PCLO: variants seen among roughly 807,000 people sequenced by gnomAD.
PCLO encodes the protein protein piccolo.
PCLO carries 82 observed loss-of-function variants against 427.5 expected under a neutral mutation model. That is an observed-to-expected ratio of 0.19 (90% confidence interval 0.16 to 0.23). The LOEUF is 0.23. PCLO is among the 10% of genes least tolerant of loss of function. The pLI is 1.00. For synonymous variants in PCLO, 2,357 were observed against 2,155.4 expected, an observed-to-expected ratio of 1.09 and a Z score of -2.59; for missense variants, 6,239 against 6,115.9, an observed-to-expected ratio of 1.02 and a Z score of -0.67.
At chr7:82,840,456 A>G (rs917858174) in intron 14 of PCLO, among the ~76,000 whole-genome samples, 1 of 152,054 alleles carries the variant, frequency 6.6e-6, no homozygotes, top group Non-Finnish European at 1.5e-5. Context: ...CATTCTTTTC[A>G]AATAGTCTCT....
intron 9 of PCLO, among the ~76,000 whole-genome samples, chr7:82,884,717 A>G (rs1342846245): frequency 6.6e-6 from 1 of 152,168 alleles, no homozygotes; most frequent in Non-Finnish European, 1.5e-5. Context: ...ACAAAATTGG[A>G]AAATAGGGTC....
chr7:82,916,064 T>C lies in PCLO; in HGVS notation c.11922A>G (p.Ile3974Met). Residue 3974 changes from isoleucine (I) to methionine (M), a missense_variant, in exon 7 of 25, where the codon ATA becomes ATG. Ile to Met is a conservative substitution (Grantham distance 10). Around this residue, in one of 5 missense-constraint regions of PCLO, gnomAD observed 680 missense variants for 677.3 expected, o/e 1.00. Transcript: ENST00000333891. ...RQTTLYLEPK[I>M]TSNYEVIRNQ... is the part of the protein sequence containing the mutation. The stretch of plus-strand genomic sequence containing the variant: ...TGCGAATCACTTCATAGTTTGAGGT[T>C]ATCTTGGGCTCCAAATATAATGTAG... 6.2e-7 allele frequency: 1 copy of C among 1,613,414 alleles called. No individual in the cohort carries two copies. Among genetic ancestry groups the C allele is most frequent in the Non-Finnish European group, 8.5e-7 (1 of 1,179,766 alleles).
chr7:82,911,056 T>C (rs1312862261), intron 7 of PCLO, among the ~76,000 whole-genome samples: 1 of 152,138 alleles, frequency 6.6e-6, no homozygotes, highest in Non-Finnish European at 1.5e-5. Flanking sequence ...GCATTTTAAA[T>C]ATAATTCTTT....
intron 3 of PCLO, among the ~76,000 whole-genome samples, chr7:83,024,273 T>C (rs1052444618): frequency 6.6e-4 from 101 of 152,108 alleles, no homozygotes; most frequent in Non-Finnish European, 1.0e-3. Context: ...CGAAGCAGGG[T>C]GAGGCATTGC....
rs749566727 is a variant in PCLO at position 83,156,361 on chromosome 7, T to C, written c.280A>G (p.Lys94Glu). The change falls in exon 2 of 25, where the codon AAG (lysine) becomes GAG (glutamate). Residue 94 changes from lysine (K) to glutamate (E), a missense_variant. This residue lies in a region of PCLO where 4,677 missense variants were observed against 4,468.4 expected (regional missense o/e 1.05). Transcript: ENST00000333891. ...KQELDSSHPP[K>E]QSGRPPDPGR... ...GGGTCCGGGGGTCTTCCTGATTGCT[T>C]TGGAGGATGACTACTATCCAACTCT... The C allele has an allele frequency of 6.2e-7, 1 of 1,610,584 alleles. No individual in the cohort carries two copies. Among genetic ancestry groups the C allele is most frequent in the Non-Finnish European group, 8.5e-7 (1 of 1,177,878 alleles).
intron 3 of PCLO, among the ~76,000 whole-genome samples, chr7:83,091,168 A>G (rs1790368634): frequency 6.6e-6 from 1 of 152,142 alleles, no homozygotes; most frequent in Non-Finnish European, 1.5e-5. Flanking sequence ...TGTAGTCCTT[A>G]CCATTAAGTA....
rs1030446197 is a variant in PCLO, at chr7:83,162,685, C to T, written c.-93G>A. The stretch of plus-strand genomic sequence containing the variant: ...CAGGGGAGCAGTCAGAGCCGGGGTC[C>T]GCCTCGGGGCGTGCAGGCAGCCGAG... On this transcript the variant is annotated 5_prime_UTR_variant, in exon 1 of 25. Coordinates refer to ENST00000333891, the MANE Select transcript of PCLO (RefSeq NM_033026.6). 4.2e-6 allele frequency: 6 copies of T among 1,421,540 alleles called. No individual in the cohort carries two copies. In the African/African-American group the frequency reaches 8.7e-5, roughly 21 times the overall value. The allele number at this position is 1,421,540 out of a possible 1,614,324, so 88.1% of individuals were successfully genotyped here.
At chr7:83,086,394 C>A (rs1790233165) in intron 3 of PCLO, among the ~76,000 whole-genome samples, 1 of 152,074 alleles carries the variant, frequency 6.6e-6, no homozygotes, top group Non-Finnish European at 1.5e-5. Context: ...CAGGCGTGAG[C>A]CACTGCACCT....
chr7:82,979,876 A>G (rs1294137060), intron 3 of PCLO, among the ~76,000 whole-genome samples: 1 of 152,212 alleles, frequency 6.6e-6, no homozygotes, highest in African/African-American at 2.4e-5. Flanking sequence ...AGTATAGTTT[A>G]ATGGACACAT....
chr7:82,797,482 T>G (rs902312753), intron 22 of PCLO, among the ~76,000 whole-genome samples: 3 of 152,142 alleles, frequency 2.0e-5, no homozygotes, highest in African/African-American at 7.2e-5. Flanking sequence ...ATTGGTTTGA[T>G]TTAAATGTTA....
chr7:82,955,806 C>A lies in PCLO; in HGVS notation c.5147G>T (p.Gly1716Val), dbSNP rs773335012. 1 of 1,613,910 alleles carries A rather than the reference C, an allele frequency of 6.2e-7. No homozygotes were observed. Among genetic ancestry groups the A allele is most frequent in the Non-Finnish European group, 8.5e-7 (1 of 1,179,858 alleles). ...DSPEDRSRGE[G>V]SSSLHASSFT... ...GCTGGAAGCATGCAGACTCGAAGAT[C>A]CCTCTCCCCTTGACCTATCTTCAGG... The change falls in exon 5 of 25, where the codon GGA becomes GTA. Residue 1716 changes from glycine (G) to valine (V), a missense_variant. By Grantham distance (109) the Gly-to-Val change is moderately radical (BLOSUM62 -3). This residue lies in a region of PCLO where 4,677 missense variants were observed against 4,468.4 expected (regional missense o/e 1.05). Coordinates refer to ENST00000333891, the MANE Select transcript of PCLO (RefSeq NM_033026.6).
At chr7:82,959,384 G>T (rs1350569010) in intron 4 of PCLO, among the ~76,000 whole-genome samples, 1 of 152,026 alleles carries the variant, frequency 6.6e-6, no homozygotes, top group African/African-American at 2.4e-5. Flanking sequence ...TTTATTTTGT[G>T]TCTACATATA....
chr7:82,954,350 A>T lies in PCLO; in HGVS notation c.6603T>A (p.Thr2201=). 1 of 1,613,900 alleles carries T rather than the reference A, an allele frequency of 6.2e-7. No homozygotes were observed. The highest frequency in any genetic ancestry group is 8.5e-7 in the Non-Finnish European group (1 of 1,179,808). ...AAACTGTGGTTATGCTATCCAGGGTAGTAATGGGTGAAGAGCTATCTGTGG... is the reference window on the plus strand; with the variant it reads ...AAACTGTGGTTATGCTATCCAGGGTTGTAATGGGTGAAGAGCTATCTGTGG... ...VCTTDSSSPI[T]TLDSITTVYT... The change falls in exon 5 of 25, where the codon ACT becomes ACA. Residue 2201 remains threonine, a synonymous_variant. Transcript: ENST00000333891.
At chr7:83,027,914 T>C (rs1467461281) in intron 3 of PCLO, among the ~76,000 whole-genome samples, 11 of 133,398 alleles carry the variant, frequency 8.2e-5, no homozygotes, top group African/African-American at 2.8e-4. Flanking sequence ...CAACCCTTCA[T>C]GCTAAAAACT....
intron 19 of PCLO, 66 bp downstream of exon 19, chr7:82,824,170 C>A: frequency 1.9e-6 from 2 of 1,061,838 alleles, no homozygotes; most frequent in Non-Finnish European, 2.7e-6. Context: ...CAAACATTCA[C>A]ACTAAGAAGA....
chr7:82,952,654 G>C lies in PCLO; in HGVS notation c.8299C>G (p.Gln2767Glu). Residue 2767 changes from glutamine to glutamate, a missense_variant, in exon 5 of 25, where the codon CAA becomes GAA. Around this residue, in one of 5 missense-constraint regions of PCLO, gnomAD observed 4,677 missense variants for 4,468.4 expected, o/e 1.05. Transcript: ENST00000333891. ...ATAGAGGGTTGGACAGCACTAATTT[G>C]TTTCCCATAAACTTCATTTGCTGTG... ...QITANEVYGK[Q>E]ISAVQPSIIN... 1 of 1,613,894 alleles carries C rather than the reference G, an allele frequency of 6.2e-7. No homozygotes were observed. Among genetic ancestry groups the C allele is most frequent in the Non-Finnish European group, 8.5e-7 (1 of 1,179,820 alleles).
intron 22 of PCLO, among the ~76,000 whole-genome samples, chr7:82,799,398 T>C (rs911392662): frequency 1.3e-5 from 2 of 152,166 alleles, no homozygotes; most frequent in Non-Finnish European, 2.9e-5. Context: ...ATAGGTAATT[T>C]AAATCAAAGA....
Position 83,155,795 on chromosome 7 carries a change from C to G in PCLO, c.846G>C (p.Gln282His). 1 of 1,613,882 alleles carries G rather than the reference C, an allele frequency of 6.2e-7. No individual in the cohort carries two copies. Among genetic ancestry groups the G allele is most frequent in the Non-Finnish European group, 8.5e-7 (1 of 1,179,842 alleles). Residue 282 changes from glutamine (Q) to histidine (H), a missense_variant, in exon 2 of 25, where the codon CAG becomes CAC. Gln to His is a conservative substitution (Grantham distance 24). Coordinates refer to ENST00000333891, the MANE Select transcript of PCLO (RefSeq NM_033026.6). The stretch of plus-strand genomic sequence containing the variant: ...CCCTTACTATGTCTGCCTGTTTAGT[C>G]TGAGGCCTGGATGCATCTCGTTGAA... ...LPLQRDASRPQTKQADIVRGE... is the reference protein window; with the variant it reads ...LPLQRDASRPHTKQADIVRGE...
chr7:82,766,016 G>T (rs1790525553), intron 22 of PCLO, among the ~76,000 whole-genome samples: 1 of 152,034 alleles, frequency 6.6e-6, no homozygotes, highest in Non-Finnish European at 1.5e-5. Context: ...GCAGTTTCTG[G>T]TAAGGTACAA....
Sources: gnomAD v4.1 joint callset for allele counts (sites outside exome capture counted in the v4.1 genomes callset) on GRCh38, gnomAD v4.1.1 for gene constraint, gnomAD v4.1.1 regional missense constraint, MANE v1.5 for transcripts, NCBI Gene and HGNC (gene_info 2026-07-23, HGNC 2026-07-21) for gene names.